The following PTPN13 variants were observed in gnomAD, a reference collection of about 807,000 sequenced individuals.
PTPN13 encodes the protein protein tyrosine phosphatase non-receptor type 13.
PTPN13 carries 191 observed loss-of-function variants against 284.0 expected under a neutral mutation model. The observed-to-expected ratio is 0.67, with a 90% CI of 0.60 to 0.76. The LOEUF is 0.76. Among genes scored for constraint, PTPN13 ranks in the 30% least tolerant of loss-of-function variants. The pLI, the probability that PTPN13 is intolerant of heterozygous loss-of-function variation, is 0.00. For missense variants in PTPN13, 2,797 were observed against 2,939.9 expected (o/e 0.95, Z 1.12); for synonymous variants, 986 against 1,022.3 (o/e 0.96, Z 0.68).
chr4:86,694,099 T>C (rs941571370), intron 6 of PTPN13, among the ~76,000 whole-genome samples: 7 of 151,884 alleles, frequency 4.6e-5, no homozygotes, highest in African/African-American at 1.7e-4. Flanking sequence ...ATATTTCTTT[T>C]TTTTTTTAAA....
chr4:86,599,761 T>A (rs1342726482), intron 1 of PTPN13, among the ~76,000 whole-genome samples: 1 of 152,220 alleles, frequency 6.6e-6, no homozygotes, highest in Non-Finnish European at 1.5e-5. Flanking sequence ...CCACATTTTT[T>A]ATACATTTCC....
chr4:86,674,259 C>A (rs769540936), intron 3 of PTPN13, among the ~76,000 whole-genome samples: 5 of 152,092 alleles, frequency 3.3e-5, no homozygotes, highest in Non-Finnish European at 7.4e-5. Flanking sequence ...TGGGGTACTC[C>A]AGAGAATTCA....
At chr4:86,751,913 A>G (rs1341070498) in intron 19 of PTPN13, among the ~76,000 whole-genome samples, 1 of 146,188 alleles carries the variant, frequency 6.8e-6, no homozygotes, top group Non-Finnish European at 1.5e-5. Context: ...ATTTAAGTGA[A>G]ATTGTATGTA....
chr4:86,635,392 CTGTTGT>C (rs760961834), intron 2 of PTPN13, 21 bp downstream of exon 2: 1 of 1,545,512 alleles, frequency 6.5e-7, no homozygotes, highest in Admixed American at 1.9e-5. Flanking sequence ...GCTGCTGCTG[CTGTTGT>C]TGTTGTTGTT....
chr4:86,663,233 G>T (rs756022374), intron 2 of PTPN13, among the ~76,000 whole-genome samples: 1 of 152,174 alleles, frequency 6.6e-6, no homozygotes, highest in Non-Finnish European at 1.5e-5. Context: ...CAAGAGAAAA[G>T]CATACAAATT....
chr4:86,672,577 T>C, intron 3 of PTPN13, 34 bp downstream of exon 3: 1 of 1,523,722 alleles, frequency 6.6e-7, no homozygotes, highest in Non-Finnish European at 8.9e-7. Flanking sequence ...GTTTTTTTAT[T>C]TGGGTGGGGA....
At chr4:86,646,781 C>G (rs1724480871) in intron 2 of PTPN13, among the ~76,000 whole-genome samples, 1 of 152,178 alleles carries the variant, frequency 6.6e-6, no homozygotes, top group East Asian at 1.9e-4. Flanking sequence ...TAGCACATTT[C>G]TTTGTAGTAA....
chr4:86,642,245 A>G (rs1023240966), intron 2 of PTPN13, among the ~76,000 whole-genome samples: 1 of 151,674 alleles, frequency 6.6e-6, no homozygotes, highest in Non-Finnish European at 1.5e-5. Context: ...CCTTTATGCT[A>G]TAATTTAGGT....
rs373959530 is a variant in PTPN13 at position 86,769,828 on chromosome 4, C to T, written c.4549C>T (p.Arg1517Ter). 1.2e-6 allele frequency: 2 copies of T among 1,613,252 alleles called. No homozygotes were observed. The highest frequency in any genetic ancestry group is 1.7e-6 in the Non-Finnish European group (2 of 1,179,542). Residue 1517 changes from arginine (R) to a stop codon, truncating the protein, a stop_gained, in exon 29 of 48, where the codon CGA (arginine) becomes TGA (stop). Transcript: ENST00000411767. LOFTEE classifies it high-confidence loss of function. ...NSSGLGFSFSREDNLIPEQIN... is the reference protein window; with the variant it reads ...NSSGLGFSFS ...CTCAGGTCTAGGATTCAGTTTTTCT[C>T]GAGAAGATAATCTTATACCGGAGCA...
intron 32 of PTPN13, among the ~76,000 whole-genome samples, chr4:86,773,948 G>C (rs963617110): frequency 6.6e-6 from 1 of 151,834 alleles, no homozygotes; most frequent in South Asian, 2.1e-4. Context: ...AAGCTTTGTT[G>C]TGGCTCTTTG....
At chr4:86,664,775 T>A (rs1726875542) in intron 2 of PTPN13, among the ~76,000 whole-genome samples, 1 of 152,134 alleles carries the variant, frequency 6.6e-6, no homozygotes, top group Non-Finnish European at 1.5e-5. Flanking sequence ...TTCAAAGGAA[T>A]AAAGTGAGCA....
intron 30 of PTPN13, among the ~76,000 whole-genome samples, chr4:86,770,581 CT>C (rs1490529303): frequency 1.3e-5 from 2 of 152,120 alleles, no homozygotes; most frequent in Admixed American, 1.3e-4. Flanking sequence ...TTTTAAAGGA[CT>C]ACATTGATTT....
At chr4:86,746,999 A>G (rs759515757) in intron 17 of PTPN13, among the ~76,000 whole-genome samples, 46 of 152,240 alleles carry the variant, frequency 3.0e-4, no homozygotes, top group Non-Finnish European at 5.1e-4. Flanking sequence ...ATATATTTTC[A>G]AAGTATAGTG....
At chr4:86,693,959 G>A (rs1274760692) in intron 6 of PTPN13, among the ~76,000 whole-genome samples, 1 of 151,346 alleles carries the variant, frequency 6.6e-6, no homozygotes, top group African/African-American at 2.4e-5. Context: ...ACTTTATCGT[G>A]GTATTTCATA....
At position 86,772,794 on chromosome 4, in the gene PTPN13, C is replaced by A. The variant is rs1310722748; in HGVS notation, c.5185C>A (p.Pro1729Thr). Reference protein sequence around the residue: ...EFEDSNPSPLPPDMAPGQSYQ... With the variant: ...EFEDSNPSPLTPDMAPGQSYQ... The stretch of plus-strand genomic sequence containing the variant: ...TCTCTGTAGTAATCCTTCCCCTCTA[C>A]CACCGGATATGGCTCCTGGGCAGAG... Residue 1729 changes from proline (P) to threonine (T), a missense_variant, in exon 32 of 48, where the codon CCA becomes ACA. By Grantham distance (38) the Pro-to-Thr change is conservative (BLOSUM62 -1). Transcript: ENST00000411767. The A allele has an allele frequency of 5.6e-6, 9 of 1,605,044 alleles. 1 individual carries two copies. In the Middle Eastern group the frequency reaches 1.3e-3, roughly 237 times the overall value.
intron 4 of PTPN13, 57 bp downstream of exon 4, chr4:86,686,832 A>G: frequency 1.7e-6 from 2 of 1,176,192 alleles, no homozygotes; most frequent in South Asian, 2.8e-5. Flanking sequence ...TTTACACCTT[A>G]TATCATAGCT....
intron 9 of PTPN13, among the ~76,000 whole-genome samples, chr4:86,720,048 A>G (rs566227910): frequency 3.3e-5 from 5 of 152,276 alleles, no homozygotes; most frequent in Non-Finnish European, 5.9e-5. Context: ...ACTTTTCTCT[A>G]TGCATCTAAT....
chr4:86,689,978 T>C (rs1251991212), intron 5 of PTPN13: 1 of 397,390 alleles, frequency 2.5e-6, no homozygotes, highest in East Asian at 3.8e-5. Flanking sequence ...TCCTCAGAAT[T>C]CCTCATCGGT....
At chr4:86,805,119 A>T (rs1744511559) in intron 43 of PTPN13, among the ~76,000 whole-genome samples, 160 bp from the exon 44 acceptor site, 1 of 152,198 alleles carries the variant, frequency 6.6e-6, no homozygotes, top group South Asian at 2.1e-4. Context: ...ATGCTGACTT[A>T]ACAAATCACT....
Sources: gnomAD v4.1 joint callset for allele counts (sites outside exome capture counted in the v4.1 genomes callset) on GRCh38, gnomAD v4.1.1 for gene constraint, MANE v1.5 for transcripts, NCBI Gene and HGNC (gene_info 2026-07-23, HGNC 2026-07-21) for gene names.